Variants in HMGXB3 observed in about 807,000 individuals in gnomAD.
HMGXB3 encodes HMG-box containing 3, also known as HMG domain-containing protein 3.
Under a neutral mutation model 121.5 loss-of-function variants are expected in HMGXB3, and 45 were observed. That is an observed-to-expected ratio of 0.37 (90% confidence interval 0.29 to 0.47). HMGXB3 has a LOEUF of 0.47. HMGXB3 is among the 20% of genes least tolerant of loss of function. The probability of loss-of-function intolerance (pLI) is 0.99; values close to 1 mark genes in which losing one functional copy is unlikely to be tolerated. For synonymous variants in HMGXB3, 590 were observed against 624.1 expected, an observed-to-expected ratio of 0.95 and a Z score of 0.81; for missense variants, 1,376 against 1,602.2, an observed-to-expected ratio of 0.86 and a Z score of 2.41.
At chr5:150,018,925 G>A (rs1489052322) in intron 6 of HMGXB3, among the ~76,000 whole-genome samples, 1 of 151,958 alleles carries the variant, frequency 6.6e-6, no homozygotes, top group Admixed American at 6.6e-5. Flanking sequence ...TTAACATTTT[G>A]GTGTACTTCT....
At chr5:150,032,717 A>G (rs1393543557) in intron 11 of HMGXB3, 114 bp downstream of exon 11, 1 of 1,254,386 alleles carries the variant, frequency 8.0e-7, no homozygotes, top group East Asian at 2.6e-5. Flanking sequence ...AGAGCATCCA[A>G]ACTGAACCAG....
intron 11 of HMGXB3, among the ~76,000 whole-genome samples, chr5:150,035,867 A>G (rs908223500): frequency 6.6e-6 from 1 of 152,186 alleles, no homozygotes; most frequent in Non-Finnish European, 1.5e-5. Context: ...AGCCACCGAG[A>G]ATTAAAGACA....
At chr5:150,024,211 G>A in intron 6 of HMGXB3, 51 bp from the exon 7 acceptor site, 1 of 1,350,306 alleles carries the variant, frequency 7.4e-7, no homozygotes, top group Non-Finnish European at 9.9e-7. Context: ...GTTTGTGAAT[G>A]TCATCAACTG....
chr5:150,027,756 TTGGCCAGGC>T (rs947523799), intron 9 of HMGXB3, among the ~76,000 whole-genome samples: 1 of 152,146 alleles, frequency 6.6e-6, no homozygotes, highest in Admixed American at 6.5e-5. Flanking sequence ...TTTCACCATG[TTGGCCAGGC>T]TGGCCTTGAA....
At chr5:150,037,942 G>C (rs1448430042) in intron 13 of HMGXB3, among the ~76,000 whole-genome samples, 1 of 152,222 alleles carries the variant, frequency 6.6e-6, no homozygotes, top group Non-Finnish European at 1.5e-5. Flanking sequence ...GGTTGTGCTA[G>C]ATGTTGTTTT....
At chr5:150,028,495 ATATGTATGTATG>A (rs537453390) in intron 9 of HMGXB3, among the ~76,000 whole-genome samples, 3 of 88,172 alleles carry the variant, frequency 3.4e-5, no homozygotes, top group Admixed American at 1.4e-4. Flanking sequence ...ATATGTATAT[ATATGTATGTATG>A]TGTGTGTGTG....
At chr5:150,041,277 C>T (rs1445201495) in intron 14 of HMGXB3, among the ~76,000 whole-genome samples, 1 of 152,150 alleles carries the variant, frequency 6.6e-6, no homozygotes, top group Non-Finnish European at 1.5e-5. Flanking sequence ...TCCTCCATGC[C>T]CTCTTTACTC....
chr5:150,001,781 T>G (rs1357577057), intron 1 of HMGXB3, among the ~76,000 whole-genome samples: 1 of 152,248 alleles, frequency 6.6e-6, no homozygotes, highest in Non-Finnish European at 1.5e-5. Context: ...GTTGTCTTCC[T>G]GCCCTCAGCC....
chr5:150,035,253 C>T (rs1756474168), intron 11 of HMGXB3, among the ~76,000 whole-genome samples: 1 of 152,140 alleles, frequency 6.6e-6, no homozygotes, highest in African/African-American at 2.4e-5. Flanking sequence ...GTACCAACAT[C>T]TTTTTTGGTG....
rs1756403401 is a variant in HMGXB3 at position 150,032,489 on chromosome 5, G to C, written c.1869G>C (p.Lys623Asn). Reference sequence around the variant, plus strand: ...TGGCTACATCAAGAGGCCGGGGAAAGTGCAAGAATCCCTCTTGTAGCTATG... The same window carrying C: ...TGGCTACATCAAGAGGCCGGGGAAACTGCAAGAATCCCTCTTGTAGCTATG... ...LGLATSRGRG[K>N]CKNPSCSYVY... Residue 623 changes from lysine (K) to asparagine (N), a missense_variant, in exon 11 of 20, where the codon AAG (lysine) becomes AAC (asparagine). Lys to Asn is a moderately conservative substitution (Grantham distance 94). This residue lies in a region of HMGXB3 where 1,116 missense variants were observed against 1,369.0 expected (regional missense o/e 0.82). Transcript: ENST00000502717. 6.4e-7 allele frequency: 1 copy of C among 1,551,636 alleles called. No individual in the cohort carries two copies. Among genetic ancestry groups the C allele is most frequent in the Non-Finnish European group, 8.7e-7 (1 of 1,146,992 alleles).
intron 4 of HMGXB3, 140 bp downstream of exon 4, chr5:150,010,748 G>A: frequency 2.3e-6 from 2 of 867,432 alleles, no homozygotes; most frequent in Non-Finnish European, 3.5e-6. Flanking sequence ...TCTCTTGAAT[G>A]TGTCTTGCCC....
intron 3 of HMGXB3, among the ~76,000 whole-genome samples, chr5:150,008,099 A>ACACACAC: frequency 6.7e-6 from 1 of 149,046 alleles, no homozygotes; most frequent in Admixed American, 6.7e-5. Context: ...ACACACACAC[A>ACACACAC]AATCAGCAAT....
At chr5:150,012,176 A>C in intron 4 of HMGXB3, 79 bp from the exon 5 acceptor site, 2 of 933,724 alleles carry the variant, frequency 2.1e-6, no homozygotes, top group Non-Finnish European at 3.4e-6. Context: ...AACTTAATCC[A>C]GGCTTCCAGT....
In HMGXB3 at chr5:150,019,227, A is replaced by G. The variant is rs544227704; in HGVS notation, c.1041+530A>G. On this transcript the variant is annotated intron_variant, in intron 6 of 19. Transcript: ENST00000502717. ...AAATAGTACCTGTTTCATAATTTCC[A>G]TGAACTACTACACCATGTTTATTTA... is the stretch of plus-strand genomic sequence containing the variant. Among the ~76,000 whole-genome samples, 3 of 152,248 alleles carry G rather than the reference A, an allele frequency of 2.0e-5. No individual in the cohort carries two copies. The East Asian group carries it at 5.8e-4, about 29-fold the overall frequency.
At chr5:150,040,674 A>G in intron 13 of HMGXB3, 74 bp from the exon 14 acceptor site, 1 of 1,464,372 alleles carries the variant, frequency 6.8e-7, no homozygotes, top group South Asian at 1.4e-5. Context: ...CACCGCACCC[A>G]GCTGGTGTGT....
intron 1 of HMGXB3, 128 bp from the exon 2 acceptor site, chr5:150,004,723 A>G: frequency 1.7e-6 from 1 of 576,232 alleles, no homozygotes; most frequent in Non-Finnish European, 3.0e-6. Context: ...GCTTCTTAGG[A>G]TATATTGGGT....
rs1756650679 is a variant in HMGXB3 at position 150,042,181 on chromosome 5, TTATC to T, written c.2730+213_2730+216del. 3.3e-5 allele frequency among the ~76,000 whole-genome samples: 5 copies of T among 152,344 alleles called. No individual in the cohort carries two copies. In the South Asian group the frequency reaches 1.0e-3, roughly 32 times the overall value. On this transcript the variant is annotated intron_variant, in intron 15 of 19. Coordinates refer to ENST00000502717, the MANE Select transcript of HMGXB3 (RefSeq NM_014983.3). ...TCAGTTACTCACTTGAAAAATGTAT[TTATC>T]CAGTGAATAAGTATCAAAAAATATA... is the stretch of plus-strand genomic sequence containing the variant.
At chr5:150,028,560 T>TTTATTTA (rs1756299358) in intron 9 of HMGXB3, among the ~76,000 whole-genome samples, 2 of 70,088 alleles carry the variant, frequency 2.9e-5, no homozygotes, top group African/African-American at 1.6e-4. Flanking sequence ...TATATATATA[T>TTTATTTA]TTTTTTTTTT....
chr5:150,011,735 C>G (rs1175750719), intron 4 of HMGXB3, among the ~76,000 whole-genome samples: 5 of 151,308 alleles, frequency 3.3e-5, no homozygotes, highest in Non-Finnish European at 7.4e-5. Flanking sequence ...CTCCAAGTAG[C>G]TGGGATTACA....
Sources: gnomAD v4.1 joint callset for allele counts (sites outside exome capture counted in the v4.1 genomes callset) on GRCh38, gnomAD v4.1.1 for gene constraint, gnomAD v4.1.1 regional missense constraint, MANE v1.5 for transcripts, NCBI Gene and HGNC (gene_info 2026-07-23, HGNC 2026-07-21) for gene names.